The following SDK2 variants were observed in gnomAD, a reference collection of about 807,000 sequenced individuals.
SDK2 encodes sidekick cell adhesion molecule 2, also known as protein sidekick-2.
SDK2 carries 105 observed loss-of-function variants against 253.9 expected under a neutral mutation model. The ratio of observed to expected loss-of-function variants is 0.41; its 90% CI spans 0.35 to 0.49. The LOEUF (loss-of-function observed/expected upper bound fraction) is 0.49. Among genes scored for constraint, SDK2 ranks in the 20% least tolerant of loss-of-function variants. SDK2 has a pLI of 0.06. For synonymous variants in SDK2, 1,249 were observed against 1,234.9 expected, an observed-to-expected ratio of 1.01 and a Z score of -0.24; for missense variants, 2,608 against 3,003.0, an observed-to-expected ratio of 0.87 and a Z score of 3.07.
At chr17:73,457,302 C>T (rs1281879180) in intron 3 of SDK2, among the ~76,000 whole-genome samples, 1 of 47,244 alleles carries the variant, frequency 2.1e-5, no homozygotes, top group Non-Finnish European at 3.6e-5. Context: ...TCCCTCCCTC[C>T]CCCTCCCCCC....
chr17:73,453,301 A>G (rs2063501295), intron 4 of SDK2, among the ~76,000 whole-genome samples: 1 of 152,084 alleles, frequency 6.6e-6, no homozygotes, highest in Admixed American at 6.5e-5. Context: ...AGCCAAGCCC[A>G]GCCTAAATCA....
At chr17:73,350,091 A>T in intron 43 of SDK2, 146 bp downstream of exon 43, 1 of 431,942 alleles carries the variant, frequency 2.3e-6, no homozygotes, top group Non-Finnish European at 3.4e-6. Flanking sequence ...CTTTCTGCTG[A>T]TCGTTCCCAG....
At chr17:73,386,351 A>G in intron 31 of SDK2, 94 bp downstream of exon 31, 1 of 927,636 alleles carries the variant, frequency 1.1e-6, no homozygotes. Flanking sequence ...CGCCTCTCTC[A>G]TCTTTGGAGG....
rs151082679 is a variant in SDK2 at position 73,431,509 on chromosome 17, G to A, written c.1473C>T (p.Val491=). The change falls in exon 11 of 45, where the codon GTC becomes GTT. Residue 491 remains valine (V), a synonymous_variant. Coordinates refer to ENST00000392650, the MANE Select transcript of SDK2 (RefSeq NM_001144952.2). The surrounding 1 kb of genome is among the most constrained non-coding windows in gnomAD (Gnocchi z 5.6). ...GTGGCTCTGCACACTCACCCCAAAC[G>A]ACTAGGTCTGCTGAGGCCTCATCGA... is the stretch of plus-strand genomic sequence containing the variant. The part of the protein sequence containing the change: ...RGVDEASADL[V]VWARTRITKP... 22 of 1,610,942 alleles carry A rather than the reference G, an allele frequency of 1.4e-5. No homozygotes were observed. In the African/African-American group the frequency reaches 2.3e-4, roughly 17 times the overall value.
In SDK2 at chr17:73,643,658, A is replaced by G. The variant is rs75589791; in HGVS notation, c.64+367T>C. Among the ~76,000 whole-genome samples, 11,296 of 152,060 alleles carry G rather than the reference A, an allele frequency of 0.074. 451 individuals carry two copies. Among genetic ancestry groups the G allele is most frequent in the Middle Eastern group, 0.1 (30 of 294 alleles). The stretch of plus-strand genomic sequence containing the variant: ...CAGGGAACCAGGAGCTCGGTCTGGG[A>G]AGCTCAGCGTAGCCGAGCGTGGAGC... On this transcript the variant is annotated intron_variant, in intron 1 of 44. Coordinates refer to ENST00000392650, the MANE Select transcript of SDK2 (RefSeq NM_001144952.2). This position sits in a 1 kb window ranked among gnomAD's most constrained non-coding sequence, Gnocchi z 6.9.
intron 1 of SDK2, among the ~76,000 whole-genome samples, chr17:73,588,973 C>T (rs1259643397): frequency 2.0e-5 from 3 of 152,268 alleles, no homozygotes; most frequent in Non-Finnish European, 2.9e-5. Flanking sequence ...TGGTGAGCAC[C>T]AGGGCAGGGT....
chr17:73,527,231 G>A (rs2064133211), intron 1 of SDK2, among the ~76,000 whole-genome samples: 1 of 152,208 alleles, frequency 6.6e-6, no homozygotes, highest in Non-Finnish European at 1.5e-5. Context: ...TCTGCACAGG[G>A]GGAGGGGAGC....
intron 18 of SDK2, among the ~76,000 whole-genome samples, chr17:73,410,619 T>C (rs924318392): frequency 6.6e-6 from 1 of 152,168 alleles, no homozygotes; most frequent in African/African-American, 2.4e-5. Context: ...CCCCGGCCGA[T>C]AATGCTGCTT....
At chr17:73,637,533 C>T (rs2046346833) in intron 1 of SDK2, among the ~76,000 whole-genome samples, 1 of 152,206 alleles carries the variant, frequency 6.6e-6, no homozygotes, top group African/African-American at 2.4e-5. Context: ...CATGCGCCAC[C>T]ACACCTGGTT....
In SDK2 at chr17:73,483,098, AC is replaced by A. The variant is rs566920885; in HGVS notation, c.225-10881del. Among the ~76,000 whole-genome samples the A allele has an allele frequency of 5.9e-3, 896 of 151,792 alleles. 10 individuals carry two copies. The highest frequency in any genetic ancestry group is 0.02 in the African/African-American group (841 of 41,364). ...TCCTGCCCTATACCTGCCCGCCCTG[AC>A]CCGTCCTGGGGCCCTCAAGACTGCT... On this transcript the variant is annotated intron_variant, in intron 2 of 44. Transcript: ENST00000392650.
At chr17:73,617,788 C>G (rs1019521043) in intron 1 of SDK2, among the ~76,000 whole-genome samples, 2 of 152,164 alleles carry the variant, frequency 1.3e-5, no homozygotes, top group African/African-American at 4.8e-5. Flanking sequence ...CCCAATTCAC[C>G]TCCAGAAAAA....
rs1017444467 is a variant in SDK2, at chr17:73,441,295, C to T, written c.614-372G>A. 5.3e-5 allele frequency among the ~76,000 whole-genome samples: 8 copies of T among 152,168 alleles called. No homozygotes were observed. The South Asian group carries it at 8.3e-4, about 16-fold the overall frequency. ...TTTAGTTCTGCATTGTCCACGTCCT[C>T]CACCAGAATGCAAACTCTCTGTACG... On this transcript the variant is annotated intron_variant, in intron 5 of 44. Coordinates refer to ENST00000392650, the MANE Select transcript of SDK2 (RefSeq NM_001144952.2).
intron 2 of SDK2, among the ~76,000 whole-genome samples, chr17:73,486,286 AG>A: frequency 6.6e-6 from 1 of 152,272 alleles, no homozygotes; most frequent in East Asian, 1.9e-4. Flanking sequence ...AGACTTGAGC[AG>A]GTTTAAACAT....
In SDK2 at chr17:73,341,747, T is replaced by C. The variant is rs141431381; in HGVS notation, c.6166-2807A>G. ...CAGGAACTCGGAGTCCTTCATAACA[T>C]GGGGATACATCTCGAGGGATGTAGC... is the stretch of plus-strand genomic sequence containing the variant. On this transcript the variant is annotated intron_variant, in intron 44 of 44. Coordinates refer to ENST00000392650, the MANE Select transcript of SDK2 (RefSeq NM_001144952.2). Among the ~76,000 whole-genome samples the C allele has an allele frequency of 7.9e-5, 12 of 152,262 alleles. No individual in the cohort carries two copies. The East Asian group carries it at 2.1e-3, about 27-fold the overall frequency.
intron 37 of SDK2, among the ~76,000 whole-genome samples, chr17:73,367,107 G>A (rs1330694410): frequency 6.6e-6 from 1 of 151,992 alleles, no homozygotes; most frequent in African/African-American, 2.4e-5. Context: ...AGGTTCAAGC[G>A]ATTCTCCTGC....
At position 73,639,223 on chromosome 17, in the gene SDK2, C is replaced by G. The variant is rs2046367694; in HGVS notation, c.64+4802G>C. 6.6e-6 allele frequency among the ~76,000 whole-genome samples: 1 copy of G among 152,188 alleles called. No individual in the cohort carries two copies. Among genetic ancestry groups the G allele is most frequent in the Admixed American group, 6.5e-5 (1 of 15,280 alleles). ...AAAGGGGCAGAAGCCACGCTGGGAG[C>G]CATTCACCACGTCTGCAGGAGAAGG... is the stretch of plus-strand genomic sequence containing the variant. On this transcript the variant is annotated intron_variant, in intron 1 of 44. Coordinates refer to ENST00000392650, the MANE Select transcript of SDK2 (RefSeq NM_001144952.2). The surrounding 1 kb of genome is among the most constrained non-coding windows in gnomAD (Gnocchi z 4.3).
chr17:73,365,786 G>A (rs1452738036), intron 37 of SDK2, among the ~76,000 whole-genome samples: 7 of 152,132 alleles, frequency 4.6e-5, no homozygotes. Flanking sequence ...CGTGGAGAAG[G>A]TGGGGGTGTC....
intron 4 of SDK2, among the ~76,000 whole-genome samples, chr17:73,451,083 G>C (rs576333056): frequency 9.2e-4 from 140 of 152,340 alleles, no homozygotes; most frequent in African/African-American, 3.2e-3. Context: ...GATGTGCACC[G>C]TTGCTAAGCT....
At chr17:73,571,522 G>T (rs2145868049) in intron 1 of SDK2, among the ~76,000 whole-genome samples, 1 of 152,312 alleles carries the variant, frequency 6.6e-6, no homozygotes, top group South Asian at 2.1e-4. Context: ...ACATGTGGGA[G>T]TCCAGCCCGG....
Sources: allele counts gnomAD v4.1 joint callset (sites outside exome capture counted in the v4.1 genomes callset), GRCh38; gene constraint gnomAD v4.1.1; non-coding constraint Gnocchi (gnomAD v3.1); transcripts MANE v1.5; gene names NCBI Gene and HGNC (gene_info 2026-07-23, HGNC 2026-07-21).